The following PCDH15 variants were observed in gnomAD, a reference collection of about 807,000 sequenced individuals.
PCDH15 encodes the protein protocadherin related 15.
PCDH15 carries 129 observed loss-of-function variants against 178.5 expected under a neutral mutation model. That is an observed-to-expected ratio of 0.72 (90% CI 0.63 to 0.84). PCDH15 has a LOEUF of 0.84. Among genes scored for constraint, PCDH15 ranks in the 40% least tolerant of loss-of-function variants. PCDH15 has a pLI of 0.00. For missense variants in PCDH15, 2,230 were observed against 2,099.9 expected (o/e 1.06, Z -1.21); for synonymous variants, 800 against 732.0 (o/e 1.09, Z -1.50).
intron 2 of PCDH15, among the ~76,000 whole-genome samples, chr10:54,558,099 T>C (rs936605120): frequency 6.6e-6 from 1 of 152,072 alleles, no homozygotes; most frequent in Non-Finnish European, 1.5e-5. Context: ...AGAAATCTGA[T>C]ATGCAATCAG....
intron 2 of PCDH15, among the ~76,000 whole-genome samples, chr10:54,947,860 T>C (rs549115243): frequency 7.7e-4 from 117 of 151,946 alleles, no homozygotes; most frequent in Non-Finnish European, 1.3e-3. Context: ...ATCCTTTTTT[T>C]ATTCTGCAGC....
intron 2 of PCDH15, among the ~76,000 whole-genome samples, chr10:55,431,008 T>C (rs900083964): frequency 6.6e-6 from 1 of 152,186 alleles, no homozygotes; most frequent in Non-Finnish European, 1.5e-5. Context: ...ATTTATTTCC[T>C]TGACATGATT....
intron 1 of PCDH15, among the ~76,000 whole-genome samples, chr10:55,235,685 T>C (rs910821052): frequency 4.6e-5 from 7 of 151,894 alleles, no homozygotes; most frequent in Non-Finnish European, 7.4e-5. Context: ...GGTGGGTGGA[T>C]CACCTGAGGT....
At chr10:55,203,496 T>C (rs1194169787) in intron 1 of PCDH15, among the ~76,000 whole-genome samples, 2 of 151,906 alleles carry the variant, frequency 1.3e-5, no homozygotes, top group African/African-American at 4.8e-5. Flanking sequence ...TGGTGAGATG[T>C]GAGTCATCAG....
chr10:55,466,313 G>A (rs1365004852), intron 2 of PCDH15, among the ~76,000 whole-genome samples: 1 of 151,940 alleles, frequency 6.6e-6, no homozygotes, highest in Non-Finnish European at 1.5e-5. Context: ...TAACTTTTAT[G>A]TTAAAATTCA....
intron 2 of PCDH15, among the ~76,000 whole-genome samples, chr10:54,639,308 A>T (rs2093937704): frequency 6.6e-6 from 1 of 152,172 alleles, no homozygotes; most frequent in Admixed American, 6.6e-5. Flanking sequence ...TGACCTCAGA[A>T]GAATCTATGA....
At chr10:53,808,539 A>G in intron 37 of PCDH15, 2 of 1,438,670 alleles carry the variant, frequency 1.4e-6, no homozygotes, top group Non-Finnish European at 1.8e-6. Flanking sequence ...TGGACAACAT[A>G]TATATTCACT....
At chr10:54,437,970 T>A (rs2075534089) in intron 3 of PCDH15, among the ~76,000 whole-genome samples, 1 of 152,220 alleles carries the variant, frequency 6.6e-6, no homozygotes, top group Non-Finnish European at 1.5e-5. Flanking sequence ...AATCTCCAGC[T>A]ATCTAGCAAT....
chr10:54,324,906 T>C (rs907456420), intron 7 of PCDH15, among the ~76,000 whole-genome samples: 19 of 152,058 alleles, frequency 1.2e-4, no homozygotes, highest in African/African-American at 4.3e-4. Context: ...TGAAGAAAAA[T>C]GATATGTAAA....
At chr10:54,163,406 G>GGAGAGAGA (rs57981979) in intron 13 of PCDH15, among the ~76,000 whole-genome samples, 1 of 150,916 alleles carries the variant, frequency 6.6e-6, no homozygotes, top group South Asian at 2.1e-4. Flanking sequence ...CATGGCAGCA[G>GGAGAGAGA]GAGAGAGAGA....
intron 2 of PCDH15, among the ~76,000 whole-genome samples, chr10:55,474,024 CA>C (rs1840015601): frequency 6.6e-6 from 1 of 152,058 alleles, no homozygotes; most frequent in Non-Finnish European, 1.5e-5. Context: ...ATATGTAACC[CA>C]GCCTACTTGG....
At chr10:55,084,681 A>G (rs1842122428) in intron 2 of PCDH15, among the ~76,000 whole-genome samples, 1 of 152,024 alleles carries the variant, frequency 6.6e-6, no homozygotes, top group Non-Finnish European at 1.5e-5. Context: ...TCCATCTAAC[A>G]AGGGATTAAT....
At chr10:54,007,562 ATTTG>A (rs1388871640) in intron 20 of PCDH15, among the ~76,000 whole-genome samples, 3 of 152,240 alleles carry the variant, frequency 2.0e-5, no homozygotes, top group South Asian at 4.1e-4. Flanking sequence ...AATGTATGTT[ATTTG>A]TTTGATCATC....
intron 6 of PCDH15, among the ~76,000 whole-genome samples, chr10:54,344,375 G>T (rs1942842941): frequency 6.6e-6 from 1 of 152,080 alleles, no homozygotes; most frequent in African/African-American, 2.4e-5. Context: ...CCTGGAATGG[G>T]GAGGCATTGA....
intron 4 of PCDH15, among the ~76,000 whole-genome samples, chr10:54,371,514 C>T (rs1947667391): frequency 6.6e-6 from 1 of 151,782 alleles, no homozygotes; most frequent in Non-Finnish European, 1.5e-5. Flanking sequence ...GTCATGGAAA[C>T]ATCCATTAGT....
At chr10:54,073,583 A>C (rs775206690) in intron 17 of PCDH15, among the ~76,000 whole-genome samples, 42 of 152,290 alleles carry the variant, frequency 2.8e-4, no homozygotes, top group Non-Finnish European at 3.8e-4. Flanking sequence ...AAAGATGCTA[A>C]GTCTTCTAGC....
chr10:54,262,361 T>A (rs2057375772), intron 8 of PCDH15, among the ~76,000 whole-genome samples: 3 of 152,146 alleles, frequency 2.0e-5, no homozygotes, highest in African/African-American at 4.8e-5. Flanking sequence ...TTAAGGTACA[T>A]CTGGTCCACA....
chr10:55,547,305 A>T (rs2132083197), intron 2 of PCDH15, among the ~76,000 whole-genome samples: 1 of 152,320 alleles, frequency 6.6e-6, no homozygotes, highest in Admixed American at 6.5e-5. Context: ...AGCATACGAT[A>T]AACAATTATA....
intron 26 of PCDH15, among the ~76,000 whole-genome samples, chr10:53,890,955 C>A (rs1202187888): frequency 6.6e-6 from 1 of 152,118 alleles, no homozygotes; most frequent in Non-Finnish European, 1.5e-5. Context: ...TTATTTGGAA[C>A]TAAACTTTCT....
Sources: allele counts gnomAD v4.1 joint callset (sites outside exome capture counted in the v4.1 genomes callset), GRCh38; gene constraint gnomAD v4.1.1; transcripts MANE v1.5; gene names NCBI Gene and HGNC (gene_info 2026-07-23, HGNC 2026-07-21).